Variants in MAF observed in about 807,000 individuals in gnomAD.
The protein encoded by MAF is transcription factor Maf.
MAF carries 10 observed loss-of-function variants against 22.0 expected under a neutral mutation model. That is an observed-to-expected ratio of 0.45 (90% CI 0.28 to 0.77). MAF has a LOEUF of 0.77. MAF is among the 30% of genes least tolerant of loss of function. The pLI is 0.12. For missense variants in MAF, 544 were observed against 548.4 expected (o/e 0.99, Z 0.08); for synonymous variants, 337 against 255.8 (o/e 1.32, Z -3.03).
the MAF span, among the ~76,000 whole-genome samples, chr16:79,420,229 G>A: frequency 1.1e-4 from 16 of 152,202 alleles, no homozygotes; most frequent in African/African-American, 3.6e-4. Context: ...TTATAGATGT[G>A]CATCAGTGTT....
the MAF span, among the ~76,000 whole-genome samples, chr16:79,472,817 AAG>A: frequency 1.3e-5 from 2 of 152,022 alleles, no homozygotes; most frequent in Non-Finnish European, 2.9e-5. Flanking sequence ...GAAGGAAAGA[AAG>A]AGAGAAAGAA....
chr16:79,495,090 C>T, the MAF span, among the ~76,000 whole-genome samples: 1 of 152,082 alleles, frequency 6.6e-6, no homozygotes, highest in East Asian at 1.9e-4. Context: ...GTTCTCTAAA[C>T]CAGGTAGTTT....
At chr16:79,492,212 G>C in the MAF span, among the ~76,000 whole-genome samples, 1 of 152,180 alleles carries the variant, frequency 6.6e-6, no homozygotes. Flanking sequence ...CACACATGAA[G>C]AATGCAGGCA....
At chr16:79,543,011 T>C in the MAF span, among the ~76,000 whole-genome samples, 3 of 152,188 alleles carry the variant, frequency 2.0e-5, no homozygotes, top group Non-Finnish European at 4.4e-5. Flanking sequence ...TTATGTTTTC[T>C]CTCTCCATCT....
chr16:79,458,415 A>C, the MAF span, among the ~76,000 whole-genome samples: 1 of 152,162 alleles, frequency 6.6e-6, no homozygotes, highest in African/African-American at 2.4e-5. Flanking sequence ...TCAGAGACAG[A>C]GTGTTTTTAT....
At chr16:79,395,250 A>G in the MAF span, among the ~76,000 whole-genome samples, 10 of 152,324 alleles carry the variant, frequency 6.6e-5, no homozygotes, top group Admixed American at 6.5e-5. Flanking sequence ...GAGCTGGATC[A>G]TATTCTGAGG....
the MAF span, among the ~76,000 whole-genome samples, chr16:79,420,395 C>T: frequency 5.9e-5 from 9 of 152,216 alleles, no homozygotes; most frequent in Admixed American, 3.3e-4. Context: ...CATGTTGACA[C>T]GCCCTTCCCA....
the MAF span, among the ~76,000 whole-genome samples, chr16:79,208,642 A>T: frequency 5.8e-5 from 7 of 120,542 alleles, no homozygotes; most frequent in Admixed American, 7.8e-5. Context: ...TTTTTTTTTT[A>T]ATCAGTTTAA....
the MAF span, among the ~76,000 whole-genome samples, chr16:79,506,741 C>T: frequency 6.6e-6 from 1 of 152,102 alleles, no homozygotes; most frequent in Non-Finnish European, 1.5e-5. Context: ...CAGGGTCTCA[C>T]TGGGTGATGA....
the MAF span, among the ~76,000 whole-genome samples, chr16:79,322,270 G>A: frequency 3.3e-5 from 5 of 152,092 alleles, no homozygotes; most frequent in Non-Finnish European, 7.4e-5. Flanking sequence ...TTGCTTTTAT[G>A]GCTAAAGGCA....
chr16:79,560,621 C>A, the MAF span, among the ~76,000 whole-genome samples: 3 of 151,900 alleles, frequency 2.0e-5, no homozygotes, highest in Non-Finnish European at 2.9e-5. Context: ...TAACTAAATG[C>A]ACATTTTCCA....
the MAF span, among the ~76,000 whole-genome samples, chr16:79,450,463 T>C: frequency 6.6e-6 from 1 of 152,210 alleles, no homozygotes; most frequent in Admixed American, 6.5e-5. Flanking sequence ...GGGTGTGAGC[T>C]TTTAATTCAT....
chr16:79,243,716 T>C, the MAF span, among the ~76,000 whole-genome samples: 1 of 152,060 alleles, frequency 6.6e-6, no homozygotes, highest in Non-Finnish European at 1.5e-5. Context: ...ACTCATTTTA[T>C]GAGGCCAGCA....
the MAF span, among the ~76,000 whole-genome samples, chr16:79,415,700 C>T: frequency 2.5e-3 from 385 of 151,932 alleles, no homozygotes; most frequent in Non-Finnish European, 4.9e-3. Flanking sequence ...CTGCTTGTGC[C>T]ATATTAGAAA....
chr16:79,598,382 T>G, intron 1 of MAF: 2 of 1,156,734 alleles, frequency 1.7e-6, no homozygotes, highest in Non-Finnish European at 2.1e-6. Context: ...TCAAAGGTGA[T>G]CAACGTTTCA....
Position 79,594,424 on chromosome 16 carries a change from G to T in MAF, c.*36C>A. On this transcript the variant is annotated 3_prime_UTR_variant, in exon 2 of 2. Transcript: ENST00000326043. ...CATGACTGCAAATAATAATAATAATGATGATTTTTTTTAATGTACAGCTCT... is the reference window on the plus strand; with the variant it reads ...CATGACTGCAAATAATAATAATAATTATGATTTTTTTTAATGTACAGCTCT... The T allele has an allele frequency of 6.6e-7, 1 of 1,518,004 alleles. No homozygotes were observed. Among genetic ancestry groups the T allele is most frequent in the Non-Finnish European group, 9.0e-7 (1 of 1,117,090 alleles). 94.0% of individuals were successfully genotyped at this position (1,518,004 alleles called of 1,614,324 possible). A position where few individuals can be genotyped will look rare whatever the true frequency, so the allele number is the denominator to read the frequency against.
the MAF span, among the ~76,000 whole-genome samples, chr16:79,342,694 A>G: frequency 2.0e-5 from 3 of 152,200 alleles, no homozygotes; most frequent in Admixed American, 6.5e-5. Flanking sequence ...AAAGCTAACA[A>G]TGAAATAGAT....
chr16:79,203,236 C>T, the MAF span: 32 of 152,294 alleles, frequency 2.1e-4, no homozygotes, highest in African/African-American at 7.5e-4. Context: ...ATAAATGAGA[C>T]ACTCTCCACA....
chr16:79,538,974 A>T, the MAF span, among the ~76,000 whole-genome samples: 1 of 152,198 alleles, frequency 6.6e-6, no homozygotes, highest in African/African-American at 2.4e-5. Flanking sequence ...AAGGAAAAGA[A>T]CAGACAATTC....
Sources: gnomAD v4.1 joint callset for allele counts (sites outside exome capture counted in the v4.1 genomes callset) on GRCh38, gnomAD v4.1.1 for gene constraint, MANE v1.5 for transcripts, NCBI Gene and HGNC (gene_info 2026-07-23, HGNC 2026-07-21) for gene names.